FAS: variants seen among roughly 807,000 people sequenced by gnomAD.
The protein encoded by FAS is Fas cell surface death receptor.
In FAS, 5 loss-of-function variants were observed where a neutral mutation model predicts 33.2. That is an observed-to-expected ratio of 0.15 (90% CI 0.08 to 0.32). FAS has a LOEUF of 0.32. FAS is among the 10% of genes least tolerant of loss of function. FAS has a pLI of 1.00. For missense variants in FAS, 339 were observed against 386.0 expected, an observed-to-expected ratio of 0.88 and a Z score of 1.02; for synonymous variants, 131 against 130.7, an observed-to-expected ratio of 1.00 and a Z score of -0.01.
intron 2 of FAS, among the ~76,000 whole-genome samples, chr10:88,978,431 A>G (rs1257067031): frequency 6.6e-6 from 1 of 152,232 alleles, no homozygotes. Context: ...ATAAAATTTA[A>G]GATAAGCTCT....
chr10:88,995,736 G>T (rs1443273911), intron 1 of FAS, among the ~76,000 whole-genome samples: 1 of 152,174 alleles, frequency 6.6e-6, no homozygotes, highest in Non-Finnish European at 1.5e-5. Flanking sequence ...CGCGGCAGGA[G>T]AATCACTGGA....
chr10:88,977,181 G>A (rs529448196), intron 2 of FAS, among the ~76,000 whole-genome samples: 2 of 151,880 alleles, frequency 1.3e-5, no homozygotes, highest in South Asian at 4.2e-4. Context: ...GATCCCATTT[G>A]TCAATTTTGG....
At chr10:88,972,804 T>C (rs1589417640) in intron 1 of FAS, among the ~76,000 whole-genome samples, 2 of 152,340 alleles carry the variant, frequency 1.3e-5, no homozygotes, top group South Asian at 2.1e-4. Flanking sequence ...TAGTTAACTA[T>C]ATGTGCTATC....
At chr10:89,002,781 A>T in intron 1 of FAS, 1 of 486,944 alleles carries the variant, frequency 2.1e-6, no homozygotes, top group East Asian at 3.8e-5. Context: ...GGCCCTGTTC[A>T]CCTTAGAACA....
chr10:88,988,794 T>C (rs1847000216), upstream of FAS, among the ~76,000 whole-genome samples: 1 of 152,156 alleles, frequency 6.6e-6, no homozygotes. Context: ...TGGGGAACAG[T>C]ATATATAATT....
chr10:89,013,307 A>T, intron 7 of FAS, 36 bp from the exon 8 acceptor site: 2 of 1,595,418 alleles, frequency 1.3e-6, no homozygotes, highest in East Asian at 2.2e-5. Flanking sequence ...ATATATTTTT[A>T]TTTGTCTTTC....
upstream of FAS, among the ~76,000 whole-genome samples, chr10:88,987,951 A>G (rs1278342796): frequency 6.7e-6 from 1 of 150,166 alleles, no homozygotes; most frequent in Non-Finnish European, 1.5e-5. Flanking sequence ...TTAAAAAAGA[A>G]AAAAAAAAAG....
In FAS at chr10:88,969,948, A is replaced by G. The variant is rs188346795; in HGVS notation, n.95-3234A>G. ...TTTATGTTGAATGAATGAATGAACG[A>G]ATGAATGAATGCCTCTAACTCTTCA... On this transcript the variant is annotated intron_variant and non_coding_transcript_variant, in intron 1 of 3. Transcript: ENST00000688239. 1.7e-3 allele frequency among the ~76,000 whole-genome samples: 257 copies of G among 152,320 alleles called. No individual in the cohort carries two copies. In the Middle Eastern group the frequency reaches 0.02, roughly 12 times the overall value.
At chr10:88,997,652 T>C (rs1589453325) in intron 1 of FAS, among the ~76,000 whole-genome samples, 1 of 152,228 alleles carries the variant, frequency 6.6e-6, no homozygotes, top group East Asian at 1.9e-4. Flanking sequence ...ACTATATCCC[T>C]GTTTTTTACA....
At chr10:88,973,182 A>G in exon 2 of FAS, 3 of 1,611,952 alleles carry the variant, frequency 1.9e-6, no homozygotes, top group Non-Finnish European at 2.5e-6. Context: ...TGACCTATAG[A>G]TTCAGAAATT....
chr10:88,998,946 G>T, intron 1 of FAS, among the ~76,000 whole-genome samples: 1 of 151,998 alleles, frequency 6.6e-6, no homozygotes, highest in East Asian at 1.9e-4. Context: ...ACGGGGTCGA[G>T]AGATTGAGAC....
rs1848787712 is a variant in FAS, at chr10:89,015,902, C to G, written c.*1452C>G. On this transcript the variant is annotated 3_prime_UTR_variant, in exon 9 of 9. Transcript: ENST00000652046. ...TTCTTGGATCCCTTAGAAGGTACTT[C>G]CTTTTTAACCTTAACCCTTTTAGTA... 1 of 322,764 alleles carries G rather than the reference C, an allele frequency of 3.1e-6. No homozygotes were observed. Among genetic ancestry groups the G allele is most frequent in the Admixed American group, 4.5e-5 (1 of 22,380 alleles). The allele number at this position is 322,764 out of a possible 1,614,324, so 20.0% of individuals were successfully genotyped here.
At chr10:88,994,397 A>G (rs1003208768) in intron 1 of FAS, among the ~76,000 whole-genome samples, 5 of 152,356 alleles carry the variant, frequency 3.3e-5, no homozygotes, top group African/African-American at 1.2e-4. Flanking sequence ...TAGGTACTAA[A>G]GACTATTTAC....
chr10:88,981,633 T>G (rs1235614822), intron 2 of FAS, among the ~76,000 whole-genome samples: 2 of 151,968 alleles, frequency 1.3e-5, no homozygotes, highest in African/African-American at 4.8e-5. Flanking sequence ...AGCAGTGGGG[T>G]GGGCAGAGTG....
chr10:89,012,302 A>T, intron 7 of FAS: 1 of 495,494 alleles, frequency 2.0e-6, no homozygotes, highest in Admixed American at 3.3e-5. Context: ...CTCAACTGTG[A>T]CCCTGGGACT....
intron 1 of FAS, among the ~76,000 whole-genome samples, chr10:88,972,704 A>G (rs1401393297): frequency 6.6e-6 from 1 of 152,224 alleles, no homozygotes; most frequent in Non-Finnish European, 1.5e-5. Context: ...ACAAATGTAT[A>G]AATCGATTTT....
Position 89,015,996 on chromosome 10 carries a change from T to C in FAS, c.*1546T>C. ...CTTCCAAACAGCACATGATTATTCG[T>C]CAAACAGTTTCGTATTCCAGATACT... is the stretch of plus-strand genomic sequence containing the variant. On this transcript the variant is annotated 3_prime_UTR_variant, in exon 9 of 9. Coordinates refer to ENST00000652046, the MANE Select transcript of FAS (RefSeq NM_000043.6). The C allele has an allele frequency of 4.0e-6, 1 of 250,274 alleles. No individual in the cohort carries two copies. The highest frequency in any genetic ancestry group is 1.2e-3 in the Middle Eastern group (1 of 826). 15.5% of individuals were successfully genotyped at this position (250,274 alleles called of 1,614,324 possible). A position where few individuals can be genotyped will look rare whatever the true frequency, so the allele number is the denominator to read the frequency against.
At chr10:88,980,482 A>G (rs1846684237) in intron 2 of FAS, among the ~76,000 whole-genome samples, 1 of 152,258 alleles carries the variant, frequency 6.6e-6, no homozygotes, top group Non-Finnish European at 1.5e-5. Context: ...AAGAGAGGCC[A>G]GGCCTGATGC....
intron 1 of FAS, among the ~76,000 whole-genome samples, chr10:88,968,175 C>T (rs866656587): frequency 6.6e-6 from 1 of 152,054 alleles, no homozygotes; most frequent in African/African-American, 2.4e-5. Flanking sequence ...GTATTTAAAT[C>T]GCTAAAAACT....
Sources: allele counts gnomAD v4.1 joint callset (sites outside exome capture counted in the v4.1 genomes callset), GRCh38; gene constraint gnomAD v4.1.1; transcripts MANE v1.5; gene names NCBI Gene and HGNC (gene_info 2026-07-23, HGNC 2026-07-21).